The following UBE2W variants were observed in gnomAD, a reference collection of about 807,000 sequenced individuals.
UBE2W encodes ubiquitin conjugating enzyme E2 W, also known as ubiquitin-conjugating enzyme E2 W.
In UBE2W, 18 loss-of-function variants were observed where a neutral mutation model predicts 27.2. The ratio of observed to expected loss-of-function variants is 0.66; its 90% CI spans 0.46 to 0.98. The LOEUF (loss-of-function observed/expected upper bound fraction) is 0.98. Among genes scored for constraint, UBE2W ranks in the 50% least tolerant of loss-of-function variants. The probability of loss-of-function intolerance (pLI) is 0.00; values close to 1 mark genes in which losing one functional copy is unlikely to be tolerated. For synonymous variants in UBE2W, 53 were observed against 57.2 expected, an observed-to-expected ratio of 0.93 and a Z score of 0.33; for missense variants, 90 against 180.2, an observed-to-expected ratio of 0.50 and a Z score of 2.87.
intron 1 of UBE2W, among the ~76,000 whole-genome samples, chr8:73,839,172 G>GT (rs1472189227): frequency 6.6e-6 from 1 of 152,054 alleles, no homozygotes; most frequent in Non-Finnish European, 1.5e-5. Context: ...TTACATATTA[G>GT]TTTAAGTTTG....
chr8:73,869,873 A>T (rs1330427300), intron 1 of UBE2W, among the ~76,000 whole-genome samples: 2 of 152,180 alleles, frequency 1.3e-5, no homozygotes, highest in Non-Finnish European at 2.9e-5. Flanking sequence ...CCTGTCTCAA[A>T]CAAACAGCTA....
intron 1 of UBE2W, among the ~76,000 whole-genome samples, chr8:73,869,704 AACT>A (rs1420476574): frequency 1.1e-4 from 16 of 152,190 alleles, no homozygotes; most frequent in South Asian, 8.3e-4. Flanking sequence ...GGAAAAAAAA[AACT>A]ACAAAAATTA....
At chr8:73,843,046 TTA>T (rs371015747) in intron 1 of UBE2W, among the ~76,000 whole-genome samples, 49 of 152,276 alleles carry the variant, frequency 3.2e-4, no homozygotes, top group African/African-American at 1.2e-3. Context: ...CTTGAAAACA[TTA>T]TGATGTTTTT....
chr8:73,802,641 G>A (rs1808694122), intron 5 of UBE2W, among the ~76,000 whole-genome samples: 1 of 152,226 alleles, frequency 6.6e-6, no homozygotes, highest in African/African-American at 2.4e-5. Flanking sequence ...TGTAATCCCA[G>A]CACTTTGGGA....
At chr8:73,845,261 C>T (rs1423844753) in intron 1 of UBE2W, among the ~76,000 whole-genome samples, 2 of 152,154 alleles carry the variant, frequency 1.3e-5, no homozygotes, top group Admixed American at 1.3e-4. Flanking sequence ...GCGGTTTTGT[C>T]GAACAGAAAA....
At chr8:73,842,121 G>A (rs574715202) in intron 1 of UBE2W, among the ~76,000 whole-genome samples, 9 of 152,234 alleles carry the variant, frequency 5.9e-5, no homozygotes, top group East Asian at 3.9e-4. Context: ...GCTCAGAATC[G>A]TAGAAAGATA....
intron 1 of UBE2W, among the ~76,000 whole-genome samples, chr8:73,840,850 A>G (rs368388136): frequency 6.6e-6 from 1 of 152,206 alleles, no homozygotes; most frequent in African/African-American, 2.4e-5. Context: ...ACTATATGAT[A>G]TATTAAAATA....
intron 1 of UBE2W, among the ~76,000 whole-genome samples, chr8:73,842,970 G>A (rs1810608032): frequency 6.6e-6 from 1 of 152,168 alleles, no homozygotes; most frequent in Non-Finnish European, 1.5e-5. Flanking sequence ...TGACAACCAT[G>A]CAATGGAATT....
Position 73,832,058 on chromosome 8 carries a change from C to T in UBE2W, c.16-1586G>A, listed in dbSNP as rs1163689183. On this transcript the variant is annotated intron_variant, in intron 1 of 5. Transcript: ENST00000602593. ...GGGAGAGACGGGGAAAATGCTTGAG[C>T]CCAGCAGTTTGAGACCAGCTTGGGT... is the stretch of plus-strand genomic sequence containing the variant. 2.0e-5 allele frequency: 3 copies of T among 151,390 alleles called. No individual in the cohort carries two copies. In the South Asian group the frequency reaches 6.3e-4, roughly 32 times the overall value. The allele number at this position is 151,390 out of a possible 1,614,324, so 9.4% of individuals were successfully genotyped here.
At chr8:73,812,317 G>A (rs11776941) in intron 3 of UBE2W, among the ~76,000 whole-genome samples, 6,619 of 151,748 alleles carry the variant, frequency 0.044, 178 homozygotes, top group Non-Finnish European at 0.059. Context: ...CTCCCTGAAA[G>A]GACTTTGATT....
chr8:73,800,977 A>G (rs1411657251), intron 5 of UBE2W, among the ~76,000 whole-genome samples: 1 of 152,182 alleles, frequency 6.6e-6, no homozygotes, highest in African/African-American at 2.4e-5. Flanking sequence ...CTGTAACCCC[A>G]GCTACTCGGG....
rs184789516 is a variant in UBE2W, at chr8:73,851,039, T to G, written c.16-20567A>C. 1.4e-4 allele frequency among the ~76,000 whole-genome samples: 21 copies of G among 151,860 alleles called. No individual in the cohort carries two copies. The East Asian group carries it at 3.9e-3, about 28-fold the overall frequency. Reference sequence around the variant, plus strand: ...CACACCCTGCTAATTTTTGTAGAGATAGGATTGCGCCATGTTGCCCAGGCT... The same window carrying G: ...CACACCCTGCTAATTTTTGTAGAGAGAGGATTGCGCCATGTTGCCCAGGCT... On this transcript the variant is annotated intron_variant, in intron 1 of 5. Transcript: ENST00000602593.
At chr8:73,785,458 G>C (rs1388025029), downstream of UBE2W, among the ~76,000 whole-genome samples, 1 of 152,064 alleles carries the variant, frequency 6.6e-6, no homozygotes, top group East Asian at 1.9e-4. Context: ...CAGTATTAAA[G>C]AAAATAAATT....
At chr8:73,871,284 C>T (rs76565995) in intron 1 of UBE2W, among the ~76,000 whole-genome samples, 8,835 of 152,226 alleles carry the variant, frequency 0.058, 844 homozygotes, top group African/African-American at 0.2. Context: ...CCCAAGGTTT[C>T]TGGCTGAGCA....
chr8:73,789,859 A>G lies in UBE2W; in HGVS notation c.*4243T>C. On this transcript the variant is annotated 3_prime_UTR_variant, in exon 6 of 6. Transcript: ENST00000602593. ...CTCAAAAATAAATAAATAAATAAATAATAAAAATAATCATTCCACATCTCA... is the reference window on the plus strand; with the variant it reads ...CTCAAAAATAAATAAATAAATAAATGATAAAAATAATCATTCCACATCTCA... 2.2e-6 allele frequency: 2 copies of G among 892,366 alleles called. No homozygotes were observed. The highest frequency in any genetic ancestry group is 2.7e-6 in the Non-Finnish European group (2 of 745,270). 55.3% of individuals were successfully genotyped at this position (892,366 alleles called of 1,614,324 possible). A position where few individuals can be genotyped will look rare whatever the true frequency, so the allele number is the denominator to read the frequency against.
At chr8:73,838,432 C>T (rs901731557) in intron 1 of UBE2W, among the ~76,000 whole-genome samples, 7 of 152,076 alleles carry the variant, frequency 4.6e-5, no homozygotes, top group African/African-American at 1.4e-4. Context: ...CTGCGATATG[C>T]GACCCTAAAC....
At chr8:73,784,059 G>T (rs952328320), downstream of UBE2W, among the ~76,000 whole-genome samples, 1 of 152,042 alleles carries the variant, frequency 6.6e-6, no homozygotes, top group African/African-American at 2.4e-5. Flanking sequence ...CCATAACATG[G>T]TTTTTTACCA....
At chr8:73,811,249 A>ACT (rs1402747621) in intron 3 of UBE2W, among the ~76,000 whole-genome samples, 3 of 152,114 alleles carry the variant, frequency 2.0e-5, no homozygotes, top group South Asian at 4.1e-4. Context: ...TTGCAGTTTT[A>ACT]CTCTCCTTTC....
At chr8:73,844,822 G>A (rs994231658) in intron 1 of UBE2W, among the ~76,000 whole-genome samples, 1 of 150,864 alleles carries the variant, frequency 6.6e-6, no homozygotes, top group Non-Finnish European at 1.5e-5. Flanking sequence ...ACTGAGGAGT[G>A]TCTCTGCACC....
Sources: gnomAD v4.1 joint callset for allele counts (sites outside exome capture counted in the v4.1 genomes callset) on GRCh38, gnomAD v4.1.1 for gene constraint, MANE v1.5 for transcripts, NCBI Gene and HGNC (gene_info 2026-07-23, HGNC 2026-07-21) for gene names.